Variants in EDIL3 observed in about 807,000 individuals in gnomAD.
The protein encoded by EDIL3 is EGF like and discoidin domains 3.
EDIL3 carries 37 observed loss-of-function variants against 67.4 expected under a neutral mutation model. That is an observed-to-expected ratio of 0.55 (90% CI 0.42 to 0.72). EDIL3 has a LOEUF of 0.72. Ranked by LOEUF, EDIL3 falls within the 30% of genes least tolerant of loss-of-function variation. EDIL3 has a pLI of 0.00. For synonymous variants in EDIL3, 195 were observed against 196.3 expected (o/e 0.99, Z 0.05); for missense variants, 527 against 586.3 (o/e 0.90, Z 1.04).
chr5:84,216,180 A>G (rs1305441710), intron 3 of EDIL3, among the ~76,000 whole-genome samples: 1 of 152,238 alleles, frequency 6.6e-6, no homozygotes, highest in Non-Finnish European at 1.5e-5. Context: ...AGCCATTGAC[A>G]GGAAGCCTGT....
chr5:83,961,346 C>G (rs1744603818), intron 10 of EDIL3, among the ~76,000 whole-genome samples: 1 of 150,962 alleles, frequency 6.6e-6, no homozygotes. Context: ...TATAGAAAAC[C>G]TGAGTAACTC....
intron 1 of EDIL3, among the ~76,000 whole-genome samples, chr5:84,357,343 T>C (rs1747507496): frequency 6.6e-6 from 1 of 152,172 alleles, no homozygotes; most frequent in African/African-American, 2.4e-5. Flanking sequence ...ATTTTTTAAG[T>C]ACCTCATTAA....
chr5:83,969,863 T>C (rs547038592), intron 9 of EDIL3, among the ~76,000 whole-genome samples: 1 of 152,028 alleles, frequency 6.6e-6, no homozygotes, highest in East Asian at 1.9e-4. Context: ...GTAATTATCA[T>C]GTCTATCATT....
At chr5:84,244,330 G>A (rs931239784) in intron 2 of EDIL3, among the ~76,000 whole-genome samples, 1 of 152,106 alleles carries the variant, frequency 6.6e-6, no homozygotes, top group Non-Finnish European at 1.5e-5. Context: ...TGCCAGGTTG[G>A]AGTACAGTGG....
rs185748892 is a variant in EDIL3 at position 84,103,094 on chromosome 5, A to C, written c.651+3555T>G. ...ACCTACAACCATCTGATCCTCCACA[A>C]AGCTGACAAAAACAAGCTATGGGGA... On this transcript the variant is annotated intron_variant, in intron 6 of 10. Coordinates refer to ENST00000296591, the MANE Select transcript of EDIL3 (RefSeq NM_005711.5). 1.8e-3 allele frequency among the ~76,000 whole-genome samples: 270 copies of C among 152,264 alleles called. 1 individual carries two copies. Among genetic ancestry groups the C allele is most frequent in the Non-Finnish European group, 2.2e-3 (152 of 68,012 alleles).
At position 83,942,861 on chromosome 5, in the gene EDIL3, G is replaced by T. The variant is rs1243736564; in HGVS notation, c.*558C>A. The T allele has an allele frequency of 1.3e-5, 2 of 152,536 alleles. No homozygotes were observed. The highest frequency in any genetic ancestry group is 4.8e-5 in the African/African-American group (2 of 41,420). 9.4% of individuals were successfully genotyped at this position (152,536 alleles called of 1,614,324 possible). A position where few individuals can be genotyped will look rare whatever the true frequency, so the allele number is the denominator to read the frequency against. On this transcript the variant is annotated 3_prime_UTR_variant, in exon 11 of 11. Coordinates refer to ENST00000296591, the MANE Select transcript of EDIL3 (RefSeq NM_005711.5). ...TAATCTCTTATTAGAAATAATGAAA[G>T]TAAAATGAGAATTATAATATCAGTA... is the stretch of plus-strand genomic sequence containing the variant.
At chr5:84,080,298 C>CAA (rs369961167) in intron 6 of EDIL3, among the ~76,000 whole-genome samples, 13 of 54,274 alleles carry the variant, frequency 2.4e-4, no homozygotes, top group Admixed American at 7.8e-4. Flanking sequence ...GACTCTGTCT[C>CAA]AAAAAAAAAA....
chr5:84,347,192 A>G (rs1747255538), intron 1 of EDIL3, among the ~76,000 whole-genome samples: 1 of 152,202 alleles, frequency 6.6e-6, no homozygotes, highest in African/African-American at 2.4e-5. Flanking sequence ...AGTTAATTAT[A>G]TGAATAAAAG....
At chr5:84,312,940 G>A (rs1204958772) in intron 1 of EDIL3, among the ~76,000 whole-genome samples, 1 of 152,084 alleles carries the variant, frequency 6.6e-6, no homozygotes, top group Non-Finnish European at 1.5e-5. Context: ...TGTAATATTG[G>A]AATATATTGA....
intron 2 of EDIL3, among the ~76,000 whole-genome samples, chr5:84,243,570 T>A (rs886167886): frequency 1.3e-5 from 2 of 152,224 alleles, no homozygotes; most frequent in Non-Finnish European, 1.5e-5. Flanking sequence ...GATTTCACAA[T>A]GAAACCTTAG....
chr5:84,017,616 G>A (rs1445191489), intron 9 of EDIL3, among the ~76,000 whole-genome samples: 3 of 151,782 alleles, frequency 2.0e-5, no homozygotes, highest in Non-Finnish European at 2.9e-5. Context: ...AAAAATAAAT[G>A]TATAATAACT....
intron 10 of EDIL3, among the ~76,000 whole-genome samples, chr5:83,960,729 CTGA>C (rs1360614049): frequency 1.3e-5 from 2 of 150,800 alleles, no homozygotes; most frequent in Non-Finnish European, 3.0e-5. Flanking sequence ...AACGTTATGG[CTGA>C]TGATTCAATA....
At chr5:84,082,601 A>G (rs1746989314) in intron 6 of EDIL3, among the ~76,000 whole-genome samples, 3 of 152,212 alleles carry the variant, frequency 2.0e-5, no homozygotes, top group Non-Finnish European at 4.4e-5. Context: ...CTGTAATCCA[A>G]ATATATACAA....
chr5:84,055,581 G>C (rs1184636077), intron 9 of EDIL3, among the ~76,000 whole-genome samples: 1 of 151,830 alleles, frequency 6.6e-6, no homozygotes, highest in African/African-American at 2.4e-5. Context: ...CTAATATCCA[G>C]AATCTACAAA....
At chr5:84,172,274 T>A (rs1229453730) in intron 4 of EDIL3, among the ~76,000 whole-genome samples, 1 of 152,166 alleles carries the variant, frequency 6.6e-6, no homozygotes, top group Non-Finnish European at 1.5e-5. Flanking sequence ...AGGTAAAAAT[T>A]TACGCAGTTT....
intron 10 of EDIL3, among the ~76,000 whole-genome samples, chr5:83,945,360 T>C (rs1252927305): frequency 8.6e-5 from 13 of 151,932 alleles, no homozygotes; most frequent in African/African-American, 2.9e-4. Context: ...CTCTGACATA[T>C]GATGTTGGAT....
rs187368106 is a variant in EDIL3 at position 84,046,759 on chromosome 5, C to T, written c.1137+13541G>A. Among the ~76,000 whole-genome samples, 57 of 152,266 alleles carry T rather than the reference C, an allele frequency of 3.7e-4. 1 individual carries two copies. Among genetic ancestry groups the T allele is most frequent in the Middle Eastern group, 6.8e-3 (2 of 294 alleles). On this transcript the variant is annotated intron_variant, in intron 9 of 10. Transcript: ENST00000296591. ...TTTGTTGCTACAAAGATAACTAATA[C>T]GCCACAAACGAAAATTCATTTGCAC...
intron 6 of EDIL3, among the ~76,000 whole-genome samples, chr5:84,070,066 C>T (rs922550264): frequency 1.3e-5 from 2 of 152,068 alleles, no homozygotes; most frequent in Non-Finnish European, 2.9e-5. Flanking sequence ...AGAGTCCTGC[C>T]GCTGAGCAGC....
intron 9 of EDIL3, among the ~76,000 whole-genome samples, chr5:84,000,841 G>A (rs1745318764): frequency 1.3e-5 from 2 of 150,366 alleles, no homozygotes; most frequent in South Asian, 2.1e-4. Context: ...ACTAACACAT[G>A]GAAATTAAAC....
Sources: gnomAD v4.1 joint callset for allele counts (sites outside exome capture counted in the v4.1 genomes callset) on GRCh38, gnomAD v4.1.1 for gene constraint, MANE v1.5 for transcripts, NCBI Gene and HGNC (gene_info 2026-07-23, HGNC 2026-07-21) for gene names.